The following CSMD2 variants were observed in gnomAD, a reference collection of about 807,000 sequenced individuals.
CSMD2 encodes CUB and sushi domain-containing protein 2.
CSMD2 carries 130 observed loss-of-function variants against 398.5 expected under a neutral mutation model. The ratio of observed to expected loss-of-function variants is 0.33; its 90% CI spans 0.28 to 0.38. The LOEUF is 0.38. Ranked by LOEUF, CSMD2 falls within the 10% of genes least tolerant of loss-of-function variation. The pLI, the probability that CSMD2 is intolerant of heterozygous loss-of-function variation, is 1.00. For synonymous variants in CSMD2, 1,828 were observed against 1,908.5 expected, an observed-to-expected ratio of 0.96 and a Z score of 1.10; for missense variants, 3,829 against 4,764.9, an observed-to-expected ratio of 0.80 and a Z score of 5.78.
intron 2 of CSMD2, among the ~76,000 whole-genome samples, chr1:34,046,171 T>C (rs564888706): frequency 6.6e-6 from 1 of 152,322 alleles, no homozygotes; most frequent in East Asian, 1.9e-4. Context: ...TTAGGGACCA[T>C]GTGTGAATCA....
At chr1:33,585,028 T>C (rs1415187054) in intron 46 of CSMD2, among the ~76,000 whole-genome samples, 1 of 152,092 alleles carries the variant, frequency 6.6e-6, no homozygotes, top group South Asian at 2.1e-4. Context: ...ATGAAAGCAA[T>C]TTCAGGACCA....
At chr1:33,909,585 G>A (rs1643332724) in intron 5 of CSMD2, among the ~76,000 whole-genome samples, 1 of 152,076 alleles carries the variant, frequency 6.6e-6, no homozygotes, top group Admixed American at 6.5e-5. Context: ...AAGGGCCTGA[G>A]TAGTTTGTTT....
intron 3 of CSMD2, among the ~76,000 whole-genome samples, chr1:33,936,388 T>A (rs888338959): frequency 5.3e-5 from 8 of 152,238 alleles, no homozygotes; most frequent in African/African-American, 1.9e-4. Context: ...GCTCATTAAA[T>A]CCAGTGTCCT....
intron 15 of CSMD2, among the ~76,000 whole-genome samples, chr1:33,737,922 T>C (rs947967366): frequency 1.3e-5 from 2 of 152,098 alleles, no homozygotes; most frequent in Admixed American, 1.3e-4. Context: ...TCATTATCCC[T>C]CCTTTTTTTT....
rs766386452 is a variant in CSMD2 at position 33,693,075 on chromosome 1, G to T, written c.3926-19C>A. The T allele has an allele frequency of 6.3e-7, 1 of 1,583,948 alleles. No homozygotes were observed. The highest frequency in any genetic ancestry group is 1.2e-5 in the South Asian group (1 of 86,370). ...CACTCGGCTGAAAGAAATCCCAAAAGAGTGAGCTTCATGGGGTGGCCTGAG... is the reference window on the plus strand; with the variant it reads ...CACTCGGCTGAAAGAAATCCCAAAATAGTGAGCTTCATGGGGTGGCCTGAG... On this transcript the variant is annotated intron_variant, in intron 24 of 70. Transcript: ENST00000373381.
rs545088690 is a variant in CSMD2, at chr1:33,845,606, T to A, written c.1033+1278A>T. Among the ~76,000 whole-genome samples the A allele has an allele frequency of 2.6e-5, 4 of 152,342 alleles. No homozygotes were observed. In the South Asian group the frequency reaches 8.3e-4, roughly 32 times the overall value. ...AGAAAGATACAGACAGCTGTTCCAC[T>A]CACACAAAGACCCAACCTCAGCAGT... is the stretch of plus-strand genomic sequence containing the variant. On this transcript the variant is annotated intron_variant, in intron 6 of 70. Transcript: ENST00000373381.
chr1:33,791,365 G>A (rs558358473), intron 11 of CSMD2, among the ~76,000 whole-genome samples: 3 of 152,212 alleles, frequency 2.0e-5, no homozygotes, highest in Non-Finnish European at 2.9e-5. Flanking sequence ...CCCAGTGCCT[G>A]GGAGCATGGT....
chr1:34,117,557 T>A (rs1305759948), intron 1 of CSMD2, among the ~76,000 whole-genome samples: 20 of 152,088 alleles, frequency 1.3e-4, no homozygotes, highest in Non-Finnish European at 1.2e-4. Context: ...CAATGCTTTT[T>A]AAACTTTCCC....
At position 33,577,287 on chromosome 1, in the gene CSMD2, G is replaced by C; in HGVS notation, c.7576+9C>G. The C allele has an allele frequency of 6.3e-7, 1 of 1,594,046 alleles. No individual in the cohort carries two copies. On this transcript the variant is annotated intron_variant, in intron 49 of 70. Transcript: ENST00000373381. ...CTACCTTGTGACCCCCTTTCCACCT[G>C]CTTCTCACCTTGACAGAGAGGGATG...
chr1:34,013,827 T>G (rs1647708739), intron 3 of CSMD2, among the ~76,000 whole-genome samples: 1 of 152,082 alleles, frequency 6.6e-6, no homozygotes. Flanking sequence ...TTCAATACAA[T>G]CTACACGCTA....
rs562692739 is a variant in CSMD2 at position 34,113,441 on chromosome 1, C to T, written c.188-24248G>A. Among the ~76,000 whole-genome samples the T allele has an allele frequency of 5.3e-5, 8 of 152,346 alleles. No homozygotes were observed. The East Asian group carries it at 5.8e-4, about 11-fold the overall frequency. On this transcript the variant is annotated intron_variant, in intron 1 of 70. Transcript: ENST00000373381. ...TCCATAGCATGAATAATATGCAAGA[C>T]GCACATGGGTGAACAAAGCAAGACC...
intron 15 of CSMD2, among the ~76,000 whole-genome samples, chr1:33,736,612 G>T (rs960495597): frequency 6.6e-6 from 1 of 152,224 alleles, no homozygotes; most frequent in Non-Finnish European, 1.5e-5. Flanking sequence ...ATTCAGGAGG[G>T]TGGCAGGTGG....
At chr1:33,638,117 A>G (rs1642911430) in intron 29 of CSMD2, among the ~76,000 whole-genome samples, 1 of 152,152 alleles carries the variant, frequency 6.6e-6, no homozygotes, top group African/African-American at 2.4e-5. Context: ...TTTAAACCCA[A>G]GTGGGACCGA....
At chr1:34,085,040 C>G (rs1225446811) in intron 2 of CSMD2, among the ~76,000 whole-genome samples, 1 of 152,114 alleles carries the variant, frequency 6.6e-6, no homozygotes, top group Non-Finnish European at 1.5e-5. Context: ...CCATGGAATA[C>G]TATGTAGCCA....
intron 51 of CSMD2, among the ~76,000 whole-genome samples, chr1:33,570,560 C>T (rs1374065125): frequency 6.6e-6 from 1 of 152,112 alleles, no homozygotes; most frequent in Non-Finnish European, 1.5e-5. Flanking sequence ...CACTTGCCTC[C>T]TCTGTGACAT....
rs192424033 is a variant in CSMD2, at chr1:33,880,227, T to C, written c.921-33231A>G. On this transcript the variant is annotated intron_variant, in intron 5 of 70. Coordinates refer to ENST00000373381, the MANE Select transcript of CSMD2 (RefSeq NM_001281956.2). ...TGTATGGCTCCCAAGTCAGTGCCCC[T>C]TTGCATAGCTGGGTTGAGAGCTCAG... Among the ~76,000 whole-genome samples the C allele has an allele frequency of 2.0e-5, 3 of 152,308 alleles. No individual in the cohort carries two copies. The East Asian group carries it at 5.8e-4, about 29-fold the overall frequency.
At chr1:34,005,490 G>A (rs1242653909) in intron 3 of CSMD2, among the ~76,000 whole-genome samples, 1 of 152,094 alleles carries the variant, frequency 6.6e-6, no homozygotes, top group Admixed American at 6.5e-5. Flanking sequence ...GCTCTACCAC[G>A]CCCAGGCCTT....
rs61769837 is a variant in CSMD2, at chr1:34,164,504, G to T, written c.187+407C>A. Among the ~76,000 whole-genome samples, 1 of 152,128 alleles carries T rather than the reference G, an allele frequency of 6.6e-6. No individual in the cohort carries two copies. The highest frequency in any genetic ancestry group is 1.5e-5 in the Non-Finnish European group (1 of 68,016). On this transcript the variant is annotated intron_variant, in intron 1 of 70. Transcript: ENST00000373381. This position sits in a 1 kb window ranked among gnomAD's most constrained non-coding sequence, Gnocchi z 6.2. The stretch of plus-strand genomic sequence containing the variant: ...CCTCTCCAGCCCCCAGGACCAGCGT[G>T]CCTGGCAGAATCAGGAGCCGGGGGA...
chr1:33,542,894 T>C lies in CSMD2; in HGVS notation c.9103A>G (p.Ile3035Val), dbSNP rs768343851. Residue 3035 changes from isoleucine (I) to valine (V), a missense_variant and splice_region_variant, in exon 58 of 71, where the codon ATC becomes GTC. Coordinates refer to ENST00000373381, the MANE Select transcript of CSMD2 (RefSeq NM_001281956.2). ...WSGSQPECGV[I>V]SCGNPGTPSN... Reference sequence around the variant, plus strand: ...GGAGTCCCAGGGTTCCCACAAGAGATCACTAGGAAGACAAAAATACACATT... The same window carrying C: ...GGAGTCCCAGGGTTCCCACAAGAGACCACTAGGAAGACAAAAATACACATT... 1.2e-6 allele frequency: 2 copies of C among 1,613,748 alleles called. No homozygotes were observed. Among genetic ancestry groups the C allele is most frequent in the South Asian group, 2.2e-5 (2 of 91,012 alleles).
Sources: gnomAD v4.1 joint callset for allele counts (sites outside exome capture counted in the v4.1 genomes callset) on GRCh38, gnomAD v4.1.1 for gene constraint, Gnocchi (gnomAD v3.1) non-coding constraint, MANE v1.5 for transcripts, NCBI Gene and HGNC (gene_info 2026-07-23, HGNC 2026-07-21) for gene names.